USP10: variants seen among roughly 807,000 people sequenced by gnomAD.
USP10 encodes the protein ubiquitin specific peptidase 10.
USP10 carries 22 observed loss-of-function variants against 84.5 expected under a neutral mutation model. The ratio of observed to expected loss-of-function variants is 0.26; its 90% CI spans 0.19 to 0.37. USP10 has a LOEUF of 0.37. Among genes scored for constraint, USP10 ranks in the 10% least tolerant of loss-of-function variants. The pLI, the probability that USP10 is intolerant of heterozygous loss-of-function variation, is 1.00. For missense variants in USP10, 1,019 were observed against 998.9 expected (o/e 1.02, Z -0.27); for synonymous variants, 454 against 387.6 (o/e 1.17, Z -2.01).
At chr16:84,703,562 A>G (rs1244021548) in intron 1 of USP10, among the ~76,000 whole-genome samples, 3 of 152,250 alleles carry the variant, frequency 2.0e-5, no homozygotes, top group East Asian at 1.9e-4. Context: ...CTTAAAAGAG[A>G]TACATTTTTA....
At chr16:84,727,923 G>A (rs1045444823) in intron 1 of USP10, among the ~76,000 whole-genome samples, 3 of 152,164 alleles carry the variant, frequency 2.0e-5, no homozygotes, top group African/African-American at 7.2e-5. Context: ...ACCATATAAT[G>A]TCCTTTCTAG....
intron 2 of USP10, among the ~76,000 whole-genome samples, chr16:84,733,732 C>T (rs1909537530): frequency 6.6e-6 from 1 of 152,182 alleles, no homozygotes; most frequent in Admixed American, 6.5e-5. Context: ...ACAGATGCAA[C>T]TGAAGCCTCC....
At chr16:84,731,198 C>G (rs966294212) in intron 1 of USP10, among the ~76,000 whole-genome samples, 4 of 151,576 alleles carry the variant, frequency 2.6e-5, no homozygotes, top group East Asian at 3.9e-4. Flanking sequence ...CCAGGATGGT[C>G]TCGATCTTCT....
At chr16:84,717,551 T>G (rs1907205607) in intron 1 of USP10, among the ~76,000 whole-genome samples, 1 of 152,170 alleles carries the variant, frequency 6.6e-6, no homozygotes, top group Admixed American at 6.5e-5. Flanking sequence ...GACAAGCTGT[T>G]TGGTGACTGT....
rs1460023487 is a variant in USP10 at position 84,700,043 on chromosome 16, C to T, written c.-48C>T. On this transcript the variant is annotated 5_prime_UTR_variant, in exon 1 of 14. Transcript: ENST00000219473. ...GAGAAGATGGCGGCGGCGGGGGAAG[C>T]AGCGTGAGCAGCCGGAGGATCGCGG... 3.7e-6 allele frequency: 5 copies of T among 1,352,060 alleles called. No individual in the cohort carries two copies. The highest frequency in any genetic ancestry group is 3.9e-6 in the Non-Finnish European group (4 of 1,029,740). 83.8% of individuals were successfully genotyped at this position (1,352,060 alleles called of 1,614,324 possible). A position where few individuals can be genotyped will look rare whatever the true frequency, so the allele number is the denominator to read the frequency against.
chr16:84,715,141 T>C (rs192216858), intron 1 of USP10, among the ~76,000 whole-genome samples: 4 of 152,114 alleles, frequency 2.6e-5, no homozygotes, highest in African/African-American at 7.2e-5. Flanking sequence ...TATTGGCCGG[T>C]CTGGTCTCGA....
chr16:84,701,219 C>G (rs1489962990), intron 1 of USP10, among the ~76,000 whole-genome samples: 2 of 152,136 alleles, frequency 1.3e-5, no homozygotes, highest in African/African-American at 4.8e-5. Flanking sequence ...GTAATGAATG[C>G]GTGTTGTGGA....
chr16:84,740,466 AT>A (rs1910496307), intron 3 of USP10, 97 bp downstream of exon 3: 1 of 1,017,874 alleles, frequency 9.8e-7, no homozygotes, highest in South Asian at 1.5e-5. Context: ...TTGAATAAAC[AT>A]TTCTTTGTAG....
intron 4 of USP10, among the ~76,000 whole-genome samples, chr16:84,754,268 A>C (rs1202306267): frequency 6.6e-6 from 1 of 152,148 alleles, no homozygotes; most frequent in Non-Finnish European, 1.5e-5. Flanking sequence ...ACGGTATTTT[A>C]GTTTATGAAA....
intron 4 of USP10, among the ~76,000 whole-genome samples, chr16:84,757,114 ACAGTGT>A (rs1186498843): frequency 2.1e-4 from 32 of 152,334 alleles, no homozygotes; most frequent in African/African-American, 7.2e-4. Context: ...AGCTTCTAGC[ACAGTGT>A]CCCTCACATG....
At chr16:84,712,283 G>A (rs1204168270) in intron 1 of USP10, among the ~76,000 whole-genome samples, 1 of 152,206 alleles carries the variant, frequency 6.6e-6, no homozygotes, top group Non-Finnish European at 1.5e-5. Context: ...AGTAGCGGAA[G>A]GAAGACATGG....
intron 2 of USP10, among the ~76,000 whole-genome samples, chr16:84,734,076 C>T (rs1909586173): frequency 1.3e-5 from 2 of 152,164 alleles, no homozygotes; most frequent in Non-Finnish European, 2.9e-5. Flanking sequence ...AAATATTGCA[C>T]TCAATGTATT....
intron 13 of USP10, among the ~76,000 whole-genome samples, chr16:84,776,304 C>T: frequency 6.7e-6 from 1 of 149,706 alleles, no homozygotes; most frequent in South Asian, 2.1e-4. Context: ...GGGGTGAGGG[C>T]CTAGCGGTGG....
At chr16:84,760,380 T>A in intron 8 of USP10, 105 bp downstream of exon 8, 1 of 970,900 alleles carries the variant, frequency 1.0e-6, no homozygotes, top group South Asian at 1.6e-5. Context: ...TCCAGCGCTA[T>A]AAGTAGATGT....
In USP10 at chr16:84,745,575, C is replaced by G. The variant is rs1911128404; in HGVS notation, c.1094C>G (p.Ser365Cys). Residue 365 changes from serine (S) to cysteine (C), a missense_variant, in exon 4 of 14, where the codon TCC becomes TGC. Physicochemically the swap from Ser to Cys is moderately radical, Grantham distance 112. This residue lies in a region of USP10 where 787 missense variants were observed against 708.8 expected (regional missense o/e 1.11). Coordinates refer to ENST00000219473, the MANE Select transcript of USP10 (RefSeq NM_005153.3). ...GTGGCCTATGTGGAAACTAAGTATT[C>G]CCCTCCCGCCATATCTCCCCTGGTT... Reference protein sequence around the residue: ...SPVAYVETKYSPPAISPLVSE... With the variant: ...SPVAYVETKYCPPAISPLVSE... 1 of 1,610,170 alleles carries G rather than the reference C, an allele frequency of 6.2e-7. No individual in the cohort carries two copies. The highest frequency in any genetic ancestry group is 1.1e-5 in the South Asian group (1 of 90,424).
At chr16:84,719,074 G>A (rs527447984) in intron 1 of USP10, among the ~76,000 whole-genome samples, 58 of 152,192 alleles carry the variant, frequency 3.8e-4, no homozygotes, top group African/African-American at 1.4e-3. Flanking sequence ...TTACAGGCAT[G>A]AGCCACCGCG....
intron 12 of USP10, among the ~76,000 whole-genome samples, chr16:84,773,854 G>C (rs193021444): frequency 3.3e-5 from 5 of 152,296 alleles, no homozygotes; most frequent in Admixed American, 2.0e-4. Context: ...TCAGCTGTCT[G>C]AGCTGACTTG....
intron 2 of USP10, among the ~76,000 whole-genome samples, chr16:84,734,785 G>C (rs1909679311): frequency 6.6e-6 from 1 of 152,144 alleles, no homozygotes; most frequent in Non-Finnish European, 1.5e-5. Flanking sequence ...TCACGCTTCA[G>C]TGTGTAATAA....
At chr16:84,768,487 A>C in intron 11 of USP10, 129 bp downstream of exon 11, 1 of 908,808 alleles carries the variant, frequency 1.1e-6, no homozygotes, top group Non-Finnish European at 1.5e-6. Flanking sequence ...ACCATTTTGT[A>C]CTGAAAGTTT....
Sources: gnomAD v4.1 joint callset for allele counts (sites outside exome capture counted in the v4.1 genomes callset) on GRCh38, gnomAD v4.1.1 for gene constraint, gnomAD v4.1.1 regional missense constraint, MANE v1.5 for transcripts, NCBI Gene and HGNC (gene_info 2026-07-23, HGNC 2026-07-21) for gene names.